Variants in TMEM120B observed in about 807,000 individuals in gnomAD.
The protein encoded by TMEM120B is transmembrane protein 120B.
TMEM120B carries 31 observed loss-of-function variants against 55.5 expected under a neutral mutation model. The observed-to-expected ratio is 0.56, with a 90% CI of 0.42 to 0.75. TMEM120B has a LOEUF of 0.75. TMEM120B is among the 30% of genes least tolerant of loss of function. The probability of loss-of-function intolerance (pLI) is 0.00; values close to 1 mark genes in which losing one functional copy is unlikely to be tolerated. For missense variants in TMEM120B, 399 were observed against 425.5 expected (o/e 0.94, Z 0.55); for synonymous variants, 203 against 176.3 (o/e 1.15, Z -1.20).
chr12:121,731,998 G>C (rs990158712), intron 1 of TMEM120B, among the ~76,000 whole-genome samples: 1 of 152,142 alleles, frequency 6.6e-6, no homozygotes, highest in African/African-American at 2.4e-5. Context: ...TTAGCTGGGC[G>C]TGGTGGCGGG....
chr12:121,771,848 A>C (rs1456264829), intron 8 of TMEM120B, among the ~76,000 whole-genome samples: 2 of 152,176 alleles, frequency 1.3e-5, no homozygotes, highest in South Asian at 2.1e-4. Flanking sequence ...TAAGTCCTCC[A>C]AATGGAAATA....
In TMEM120B at chr12:121,781,124, C is replaced by T; in HGVS notation, c.*5402C>T. 1 of 1,614,212 alleles carries T rather than the reference C, an allele frequency of 6.2e-7. No individual in the cohort carries two copies. Among genetic ancestry groups the T allele is most frequent in the Non-Finnish European group, 8.5e-7 (1 of 1,180,038 alleles). On this transcript the variant is annotated 3_prime_UTR_variant, in exon 12 of 12. Transcript: ENST00000449592. ...TCGTAGCTGGTGGGATTCATGACGT[C>T]ATAGCAGATGAGCACGAGGTGGGTG... is the stretch of plus-strand genomic sequence containing the variant.
intron 5 of TMEM120B, among the ~76,000 whole-genome samples, chr12:121,754,850 A>G (rs1196038229): frequency 6.6e-6 from 1 of 152,014 alleles, no homozygotes; most frequent in East Asian, 1.9e-4. Context: ...GAGGAGGGGG[A>G]TTGGACGGGC....
intron 5 of TMEM120B, among the ~76,000 whole-genome samples, chr12:121,761,116 C>T (rs1873663294): frequency 1.3e-5 from 2 of 152,152 alleles, no homozygotes; most frequent in African/African-American, 2.4e-5. Context: ...GCAGCTGGGA[C>T]TACAGGTGTG....
intron 6 of TMEM120B, among the ~76,000 whole-genome samples, chr12:121,762,961 G>C (rs1484416339): frequency 1.3e-5 from 2 of 152,070 alleles, no homozygotes; most frequent in Non-Finnish European, 2.9e-5. Flanking sequence ...GGCAAGACTG[G>C]GGGTTCCCTT....
chr12:121,780,569 C>T lies in TMEM120B; in HGVS notation c.*4847C>T. On this transcript the variant is annotated 3_prime_UTR_variant, in exon 12 of 12. Coordinates refer to ENST00000449592, the MANE Select transcript of TMEM120B (RefSeq NM_001080825.2). ...GGATTGCAGTGGATGGGACCAGATC[C>T]TGGCTCCACTTCTCGCTAGCTGTGT... is the stretch of plus-strand genomic sequence containing the variant. The T allele has an allele frequency of 1.9e-6, 1 of 512,848 alleles. No homozygotes were observed. Among genetic ancestry groups the T allele is most frequent in the Non-Finnish European group, 3.4e-6 (1 of 291,640 alleles). 31.8% of individuals were successfully genotyped at this position (512,848 alleles called of 1,614,324 possible).
intron 7 of TMEM120B, 114 bp from the exon 8 acceptor site, chr12:121,771,374 C>T: frequency 1.1e-6 from 1 of 915,072 alleles, no homozygotes; most frequent in South Asian, 1.4e-5. Context: ...GTCTGGACCT[C>T]AGTTTGACTT....
rs1874294735 is a variant in TMEM120B at position 121,777,826 on chromosome 12, G to A, written c.*2104G>A. On this transcript the variant is annotated 3_prime_UTR_variant, in exon 12 of 12. Coordinates refer to ENST00000449592, the MANE Select transcript of TMEM120B (RefSeq NM_001080825.2). ...ATGTGGCCCACAGGCTGTAGTTGTT[G>A]GACCTCTACCGTAGACCATCATGAG... 6.6e-6 allele frequency: 1 copy of A among 152,216 alleles called. No homozygotes were observed. Among genetic ancestry groups the A allele is most frequent in the Non-Finnish European group, 1.5e-5 (1 of 68,058 alleles). The allele number at this position is 152,216 out of a possible 1,614,324, so 9.4% of individuals were successfully genotyped here.
intron 9 of TMEM120B, among the ~76,000 whole-genome samples, chr12:121,774,100 C>T (rs995085618): frequency 2.6e-5 from 4 of 152,044 alleles, no homozygotes; most frequent in Admixed American, 2.0e-4. Context: ...GGATTACAGG[C>T]ATGTGCCACC....
Position 121,775,923 on chromosome 12 carries a change from C to G in TMEM120B, c.*201C>G. On this transcript the variant is annotated 3_prime_UTR_variant, in exon 12 of 12. Transcript: ENST00000449592. This position sits in a 1 kb window ranked among gnomAD's most constrained non-coding sequence, Gnocchi z 4.3. ...CCACCTATTTATGACATATTTAATG[C>G]TGGGTCCCCCATCGTCCCTGGAACC... The G allele has an allele frequency of 3.2e-6, 2 of 631,268 alleles. No individual in the cohort carries two copies. Among genetic ancestry groups the G allele is most frequent in the Non-Finnish European group, 5.6e-6 (2 of 358,046 alleles). 39.1% of individuals were successfully genotyped at this position (631,268 alleles called of 1,614,324 possible). A position where few individuals can be genotyped will look rare whatever the true frequency, so the allele number is the denominator to read the frequency against.
chr12:121,758,127 G>A (rs80161609), intron 5 of TMEM120B: 54,479 of 982,646 alleles, frequency 0.055, 2,211 homozygotes, highest in African/African-American at 0.2. Flanking sequence ...GCCAAAGACA[G>A]AGCCTTTGTC....
At chr12:121,749,311 G>C (rs566374675) in intron 3 of TMEM120B, among the ~76,000 whole-genome samples, 4 of 152,322 alleles carry the variant, frequency 2.6e-5, no homozygotes, top group African/African-American at 9.6e-5. Context: ...ATGCGTGTCT[G>C]CCTTCCTGCC....
Position 121,779,211 on chromosome 12 carries a change from G to T in TMEM120B, c.*3489G>T, listed in dbSNP as rs1255698190. 1 of 481,460 alleles carries T rather than the reference G, an allele frequency of 2.1e-6. No individual in the cohort carries two copies. The highest frequency in any genetic ancestry group is 1.9e-5 in the African/African-American group (1 of 51,796). The allele number at this position is 481,460 out of a possible 1,614,324, so 29.8% of individuals were successfully genotyped here. A position where few individuals can be genotyped will look rare whatever the true frequency, so the allele number is the denominator to read the frequency against. ...AAGCATAACTTGAGTCTGCACTGGG[G>T]AGACACTCGTGGTGGGGGTGGCTGT... On this transcript the variant is annotated 3_prime_UTR_variant, in exon 12 of 12. Coordinates refer to ENST00000449592, the MANE Select transcript of TMEM120B (RefSeq NM_001080825.2).
chr12:121,767,139 G>A (rs759203481), intron 6 of TMEM120B, among the ~76,000 whole-genome samples: 7 of 151,754 alleles, frequency 4.6e-5, no homozygotes, highest in Non-Finnish European at 7.4e-5. Context: ...AAAAAAGGCC[G>A]TGAGCTCCTG....
intron 5 of TMEM120B, among the ~76,000 whole-genome samples, chr12:121,754,264 A>G (rs1312832036): frequency 6.6e-6 from 1 of 152,192 alleles, no homozygotes; most frequent in Admixed American, 6.5e-5. Context: ...CAAAGAGGGT[A>G]AAAGTTGTCA....
chr12:121,735,022 G>C (rs2137072061), intron 1 of TMEM120B, among the ~76,000 whole-genome samples: 1 of 151,534 alleles, frequency 6.6e-6, no homozygotes, highest in South Asian at 2.1e-4. Context: ...TCAAGGAGCA[G>C]TAAAATACAA....
At chr12:121,774,331 T>C (rs900640448) in intron 9 of TMEM120B, among the ~76,000 whole-genome samples, 6 of 152,160 alleles carry the variant, frequency 3.9e-5, no homozygotes, top group African/African-American at 1.4e-4. Flanking sequence ...CAAGACTCGA[T>C]AGAACTAATG....
At chr12:121,748,868 G>A (rs892573195) in intron 3 of TMEM120B, among the ~76,000 whole-genome samples, 1 of 152,172 alleles carries the variant, frequency 6.6e-6, no homozygotes, top group Non-Finnish European at 1.5e-5. Context: ...AGACATCAGC[G>A]AATGTTTGGC....
intron 5 of TMEM120B, chr12:121,758,179 AG>A: frequency 1.0e-6 from 1 of 985,454 alleles, no homozygotes; most frequent in South Asian, 4.7e-5. Flanking sequence ...GGAAGCCCTC[AG>A]AGGGGCGTCT....
Sources: gnomAD v4.1 joint callset for allele counts (sites outside exome capture counted in the v4.1 genomes callset) on GRCh38, gnomAD v4.1.1 for gene constraint, Gnocchi (gnomAD v3.1) non-coding constraint, MANE v1.5 for transcripts, NCBI Gene and HGNC (gene_info 2026-07-23, HGNC 2026-07-21) for gene names.